The following WAC variants were observed in gnomAD, a reference collection of about 807,000 sequenced individuals.
WAC encodes the protein WW domain-containing adapter protein with coiled-coil.
WAC carries 11 observed loss-of-function variants against 79.6 expected under a neutral mutation model. The ratio of observed to expected loss-of-function variants is 0.14; its 90% CI spans 0.09 to 0.23. WAC has a LOEUF of 0.23. Among genes scored for constraint, WAC ranks in the 10% least tolerant of loss-of-function variants. The probability of loss-of-function intolerance (pLI) is 1.00; values close to 1 mark genes in which losing one functional copy is unlikely to be tolerated. For missense variants in WAC, 728 were observed against 773.5 expected (o/e 0.94, Z 0.70); for synonymous variants, 304 against 276.9 (o/e 1.10, Z -0.97).
intron 4 of WAC, 103 bp downstream of exon 4, chr10:28,583,608 T>C: frequency 1.2e-6 from 1 of 809,966 alleles, no homozygotes; most frequent in South Asian, 2.2e-5. Flanking sequence ...AATGTCTTTT[T>C]TTTTAAAAAT....
At chr10:28,536,024 C>T (rs2132310354) in intron 3 of WAC, 1 of 214,214 alleles carries the variant, frequency 4.7e-6, no homozygotes, top group Admixed American at 5.8e-5. Context: ...GGCAGATCAC[C>T]TGAGGTCAGG....
intron 8 of WAC, among the ~76,000 whole-genome samples, chr10:28,609,059 T>C (rs1589238370): frequency 6.6e-6 from 1 of 152,238 alleles, no homozygotes; most frequent in South Asian, 2.1e-4. Context: ...TTGGAAACTA[T>C]TCAGATTCAC....
chr10:28,599,160 T>C (rs1048643830), intron 7 of WAC, among the ~76,000 whole-genome samples: 3 of 152,188 alleles, frequency 2.0e-5, no homozygotes, highest in Non-Finnish European at 2.9e-5. Context: ...CAGTAGATGA[T>C]TAAAATGATT....
In WAC at chr10:28,620,426, A is replaced by G. The variant is rs1299265316; in HGVS notation, c.*820A>G. ...AGGCATGTGTGCTCAAAGTACATTGATTGCTCAAATATAAGGAAATGGCCC... is the reference window on the plus strand; with the variant it reads ...AGGCATGTGTGCTCAAAGTACATTGGTTGCTCAAATATAAGGAAATGGCCC... On this transcript the variant is annotated 3_prime_UTR_variant, in exon 14 of 14. Coordinates refer to ENST00000354911, the MANE Select transcript of WAC (RefSeq NM_016628.5). The G allele has an allele frequency of 6.6e-6, 1 of 152,658 alleles. No individual in the cohort carries two copies. Among genetic ancestry groups the G allele is most frequent in the Non-Finnish European group, 1.5e-5 (1 of 68,050 alleles). The allele number at this position is 152,658 out of a possible 1,614,324, so 9.5% of individuals were successfully genotyped here.
intron 3 of WAC, among the ~76,000 whole-genome samples, chr10:28,555,844 G>A (rs995817231): frequency 3.3e-5 from 5 of 152,122 alleles, no homozygotes; most frequent in African/African-American, 9.7e-5. Context: ...GCCATGTGAT[G>A]ACTGGCACCA....
At chr10:28,560,702 A>G (rs930166285) in intron 3 of WAC, among the ~76,000 whole-genome samples, 1 of 152,228 alleles carries the variant, frequency 6.6e-6, no homozygotes, top group Non-Finnish European at 1.5e-5. Flanking sequence ...TAAAGGACAC[A>G]TGTAAATATT....
rs761057768 is a variant in WAC at position 28,595,830 on chromosome 10, A to T, written c.708A>T (p.Arg236Ser). Residue 236 changes from arginine to serine, a missense_variant, in exon 7 of 14, where the codon AGA becomes AGT. Coordinates refer to ENST00000354911, the MANE Select transcript of WAC (RefSeq NM_016628.5). ...RHNDRDYRLP[R>S]AETHSSSTPV... ...ATGACAGAGACTACAGACTGCCAAG[A>T]GCAGAGACTCACAGTAGTTCTACGC... 6.2e-7 allele frequency: 1 copy of T among 1,614,156 alleles called. No homozygotes were observed. Among genetic ancestry groups the T allele is most frequent in the East Asian group, 2.2e-5 (1 of 44,880 alleles).
intron 3 of WAC, among the ~76,000 whole-genome samples, chr10:28,547,915 C>CTTTTTT (rs11408560): frequency 2.1e-3 from 280 of 132,152 alleles, no homozygotes; most frequent in Non-Finnish European, 2.6e-3. Flanking sequence ...TTCTCTTTTT[C>CTTTTTT]TTTTTTTTTT....
At chr10:28,593,487 G>T (rs373309449) in intron 6 of WAC, among the ~76,000 whole-genome samples, 3 of 151,996 alleles carry the variant, frequency 2.0e-5, no homozygotes, top group African/African-American at 7.2e-5. Flanking sequence ...TTTAACAAAG[G>T]CCAGGCACGG....
intron 7 of WAC, among the ~76,000 whole-genome samples, chr10:28,604,381 A>T (rs1426718854): frequency 3.9e-5 from 6 of 151,994 alleles, no homozygotes; most frequent in Admixed American, 6.5e-5. Flanking sequence ...CCAGGCAGCA[A>T]GTGTATGTTG....
intron 3 of WAC, among the ~76,000 whole-genome samples, chr10:28,578,683 T>G (rs971354684): frequency 1.7e-4 from 26 of 152,152 alleles, no homozygotes; most frequent in Non-Finnish European, 3.1e-4. Context: ...GAATTTTTTT[T>G]GGACCATTTT....
At chr10:28,539,633 G>T (rs934169540) in intron 3 of WAC, among the ~76,000 whole-genome samples, 16 of 151,450 alleles carry the variant, frequency 1.1e-4, no homozygotes, top group African/African-American at 3.9e-4. Flanking sequence ...ATCCTGGCTC[G>T]CTGTAACCTC....
chr10:28,595,599 C>T (rs1840319609), intron 6 of WAC, 134 bp from the exon 7 acceptor site: 2 of 862,414 alleles, frequency 2.3e-6, no homozygotes, highest in Non-Finnish European at 3.5e-6. Context: ...ACTGGGTTTG[C>T]AGTTTTATAA....
chr10:28,604,669 A>G (rs899253916), intron 7 of WAC, among the ~76,000 whole-genome samples: 2 of 152,128 alleles, frequency 1.3e-5, no homozygotes, highest in African/African-American at 4.8e-5. Flanking sequence ...GCAGTGAGCC[A>G]AGATCACGCC....
At chr10:28,541,720 CTGT>C (rs749669956) in intron 3 of WAC, among the ~76,000 whole-genome samples, 1 of 152,112 alleles carries the variant, frequency 6.6e-6, no homozygotes, top group Non-Finnish European at 1.5e-5. Flanking sequence ...ATTTAGCCTA[CTGT>C]TGTTGAAACT....
intron 3 of WAC, among the ~76,000 whole-genome samples, chr10:28,547,277 G>C (rs895814214): frequency 2.0e-5 from 3 of 152,112 alleles, no homozygotes; most frequent in African/African-American, 7.2e-5. Flanking sequence ...GCTCACCCCT[G>C]TAATCCCAGC....
intron 3 of WAC, among the ~76,000 whole-genome samples, chr10:28,547,478 T>C (rs34221277): frequency 5.3e-5 from 8 of 151,476 alleles, no homozygotes; most frequent in Non-Finnish European, 7.4e-5. Flanking sequence ...GAAGATGCAG[T>C]GAGCCTGGGT....
chr10:28,621,484 G>C lies in WAC; in HGVS notation c.*1878G>C, dbSNP rs1028089307. The C allele has an allele frequency of 6.6e-5, 10 of 152,058 alleles. No individual in the cohort carries two copies. The highest frequency in any genetic ancestry group is 2.6e-4 in the Admixed American group (4 of 15,258). The allele number at this position is 152,058 out of a possible 1,614,324, so 9.4% of individuals were successfully genotyped here. On this transcript the variant is annotated 3_prime_UTR_variant, in exon 14 of 14. Coordinates refer to ENST00000354911, the MANE Select transcript of WAC (RefSeq NM_016628.5). Reference sequence around the variant, plus strand: ...AAAAATGTTCCAGTGTAATTAAAAGGAATTAAAATCTTGAAGATATTTTCC... The same window carrying C: ...AAAAATGTTCCAGTGTAATTAAAAGCAATTAAAATCTTGAAGATATTTTCC...
chr10:28,559,274 A>G (rs1838178630), intron 3 of WAC, among the ~76,000 whole-genome samples: 1 of 152,068 alleles, frequency 6.6e-6, no homozygotes, highest in Non-Finnish European at 1.5e-5. Context: ...CTTGGGAAGT[A>G]GGAGTTGCTT....
Sources: allele counts gnomAD v4.1 joint callset (sites outside exome capture counted in the v4.1 genomes callset), GRCh38; gene constraint gnomAD v4.1.1; transcripts MANE v1.5; gene names NCBI Gene and HGNC (gene_info 2026-07-23, HGNC 2026-07-21).